SEMA6D: variants seen among roughly 807,000 people sequenced by gnomAD.
SEMA6D encodes the protein semaphorin 6D.
SEMA6D carries 35 observed loss-of-function variants against 106.6 expected under a neutral mutation model. The observed-to-expected ratio is 0.33, with a 90% CI of 0.25 to 0.44. SEMA6D has a LOEUF of 0.44. Ranked by LOEUF, SEMA6D falls within the 20% of genes least tolerant of loss-of-function variation. SEMA6D has a pLI of 1.00. For synonymous variants in SEMA6D, 499 were observed against 487.7 expected, an observed-to-expected ratio of 1.02 and a Z score of -0.31; for missense variants, 1,185 against 1,345.9, an observed-to-expected ratio of 0.88 and a Z score of 1.87.
intron 2 of SEMA6D, among the ~76,000 whole-genome samples, chr15:47,432,583 A>ACCTATAT (rs748256011): frequency 0.5 from 74,683 of 150,612 alleles, 18,906 homozygotes; most frequent in Middle Eastern, 0.58. Context: ...ATACATATAC[A>ACCTATAT]GCTATATGCA....
intron 3 of SEMA6D, among the ~76,000 whole-genome samples, chr15:47,553,242 TC>T (rs928485165): frequency 2.0e-5 from 3 of 151,954 alleles, no homozygotes; most frequent in Non-Finnish European, 4.4e-5. Context: ...ATAAAGTCTT[TC>T]AAAAGTTACA....
intron 1 of SEMA6D, among the ~76,000 whole-genome samples, chr15:47,232,463 G>A (rs2032264837): frequency 6.6e-6 from 1 of 151,682 alleles, no homozygotes; most frequent in South Asian, 2.1e-4. Flanking sequence ...ATTCCCATCA[G>A]CAAGGTGTGA....
intron 1 of SEMA6D, among the ~76,000 whole-genome samples, chr15:47,214,069 T>A (rs12916456): frequency 0.14 from 20,986 of 152,142 alleles, 1,929 homozygotes; most frequent in Middle Eastern, 0.31. Context: ...TCCATGTGTG[T>A]CAGCATGGAG....
At chr15:47,272,120 A>C (rs1426939717) in intron 1 of SEMA6D, among the ~76,000 whole-genome samples, 3 of 152,196 alleles carry the variant, frequency 2.0e-5, no homozygotes, top group Non-Finnish European at 4.4e-5. Context: ...TAGGTGTCTG[A>C]TGATGAGCTA....
At chr15:47,588,736 G>A (rs2076386091) in intron 3 of SEMA6D, among the ~76,000 whole-genome samples, 1 of 152,162 alleles carries the variant, frequency 6.6e-6, no homozygotes, top group African/African-American at 2.4e-5. Context: ...GGGTTTAGAA[G>A]GCAGTTACAC....
chr15:47,658,726 C>T (rs1014124246), intron 4 of SEMA6D, among the ~76,000 whole-genome samples: 2 of 152,052 alleles, frequency 1.3e-5, no homozygotes, highest in African/African-American at 4.8e-5. Context: ...TCACAATAAT[C>T]CACATTAAGA....
chr15:47,215,711 G>A (rs1208756354), intron 1 of SEMA6D, among the ~76,000 whole-genome samples: 1 of 151,982 alleles, frequency 6.6e-6, no homozygotes, highest in East Asian at 1.9e-4. Flanking sequence ...AATTAGCTAC[G>A]GCTTCTACTT....
chr15:47,760,441 A>G (rs2081998069), intron 3 of SEMA6D, 26 bp downstream of exon 3: 1 of 1,559,678 alleles, frequency 6.4e-7, no homozygotes, highest in Non-Finnish European at 8.8e-7. Context: ...TTGGTTTATT[A>G]GATTAAAATT....
chr15:47,312,283 A>G (rs2143096997), intron 1 of SEMA6D, among the ~76,000 whole-genome samples: 1 of 152,184 alleles, frequency 6.6e-6, no homozygotes, highest in Middle Eastern at 3.4e-3. Flanking sequence ...AGTTCTTCCT[A>G]AAACAGTGTT....
intron 4 of SEMA6D, among the ~76,000 whole-genome samples, chr15:47,694,689 C>T (rs1439902968): frequency 2.6e-5 from 4 of 152,030 alleles, no homozygotes; most frequent in Non-Finnish European, 4.4e-5. Context: ...TGAATACAAA[C>T]AACCCAGCTG....
chr15:47,225,519 GTTTTTTTTTTTTTTTT>G (rs71118160), intron 1 of SEMA6D, among the ~76,000 whole-genome samples: 1 of 92,384 alleles, frequency 1.1e-5, no homozygotes, highest in Non-Finnish European at 1.9e-5. Flanking sequence ...CTTGTTGAGG[GTTTTTTTTTTTTTTTT>G]TTTTTTTTTT....
intron 3 of SEMA6D, among the ~76,000 whole-genome samples, chr15:47,523,013 T>C (rs957798818): frequency 1.3e-5 from 2 of 152,150 alleles, no homozygotes; most frequent in Non-Finnish European, 2.9e-5. Context: ...AGCTTTTCAA[T>C]AGAAATACAG....
intron 3 of SEMA6D, among the ~76,000 whole-genome samples, chr15:47,573,005 T>C (rs1332418316): frequency 6.6e-6 from 1 of 152,106 alleles, no homozygotes; most frequent in East Asian, 1.9e-4. Flanking sequence ...AAAGTTTTAT[T>C]TTTAAAAGCA....
chr15:47,308,033 A>T (rs77401977), intron 1 of SEMA6D, among the ~76,000 whole-genome samples: 1 of 145,658 alleles, frequency 6.9e-6, no homozygotes. Flanking sequence ...TGGCCTGGCT[A>T]TTTTTTTTTT....
At chr15:47,311,747 A>G (rs568032496) in intron 1 of SEMA6D, among the ~76,000 whole-genome samples, 3 of 152,212 alleles carry the variant, frequency 2.0e-5, no homozygotes, top group Non-Finnish European at 4.4e-5. Flanking sequence ...ACAAAAGTCA[A>G]GGAGTACCCT....
intron 1 of SEMA6D, among the ~76,000 whole-genome samples, chr15:47,257,272 T>C (rs879285725): frequency 2.0e-4 from 30 of 152,160 alleles, no homozygotes; most frequent in Admixed American, 1.4e-3. Context: ...TTAGCTAGTA[T>C]GGTCTCCATC....
At chr15:47,397,674 G>A (rs1448499915) in intron 1 of SEMA6D, 2 of 152,122 alleles carry the variant, frequency 1.3e-5, no homozygotes, top group Non-Finnish European at 2.9e-5. Context: ...TGCTTTCTGT[G>A]ATACTAATTA....
chr15:47,750,328 G>A (rs139359641), intron 1 of SEMA6D, among the ~76,000 whole-genome samples: 69 of 152,256 alleles, frequency 4.5e-4, no homozygotes, highest in Non-Finnish European at 9.6e-4. Flanking sequence ...GGAGAACATG[G>A]ATTCTTAGAG....
At position 47,351,605 on chromosome 15, in the gene SEMA6D, C is replaced by G. The variant is rs190096902; in HGVS notation, c.-238-60788C>G. Among the ~76,000 whole-genome samples the G allele has an allele frequency of 7.7e-3, 1,175 of 152,216 alleles. 22 individuals are homozygous for G. The highest frequency in any genetic ancestry group is 0.027 in the African/African-American group (1,121 of 41,544). The stretch of plus-strand genomic sequence containing the variant: ...TTAGACCTTCTTCCTAACAAATAGG[C>G]TAGACTGTCCCTCAAACCTGCACCT... On this transcript the variant is annotated intron_variant, in intron 1 of 19. Transcript: ENST00000558014.
Sources: allele counts gnomAD v4.1 joint callset (sites outside exome capture counted in the v4.1 genomes callset), GRCh38; gene constraint gnomAD v4.1.1; transcripts MANE v1.5; gene names NCBI Gene and HGNC (gene_info 2026-07-23, HGNC 2026-07-21).